TENM3: variants seen among roughly 807,000 people sequenced by gnomAD.
TENM3 encodes teneurin transmembrane protein 3, also known as teneurin-3.
A neutral mutation model predicts 255.1 loss-of-function variants in TENM3; 63 were observed. The observed-to-expected ratio is 0.25, with a 90% CI of 0.20 to 0.30. TENM3 has a LOEUF of 0.30. TENM3 is among the 10% of genes least tolerant of loss of function. The pLI is 1.00. For missense variants in TENM3, 2,929 were observed against 3,461.1 expected (o/e 0.85, Z 3.86); for synonymous variants, 1,306 against 1,322.3 (o/e 0.99, Z 0.27).
intron 3 of TENM3, among the ~76,000 whole-genome samples, chr4:182,468,584 C>G (rs561209425): frequency 4.6e-5 from 7 of 152,198 alleles, no homozygotes; most frequent in Non-Finnish European, 8.8e-5. Context: ...TAGTATTGAT[C>G]AGAATTGTAT....
At chr4:182,595,585 A>C (rs557365275) in intron 3 of TENM3, among the ~76,000 whole-genome samples, 23 of 152,294 alleles carry the variant, frequency 1.5e-4, no homozygotes, top group African/African-American at 5.5e-4. Context: ...AAAACATGCA[A>C]CTGTTAGGCT....
At position 182,344,995 on chromosome 4, in the gene TENM3, T is replaced by A. The variant is rs1453850397; in HGVS notation, c.233-1656T>A. Among the ~76,000 whole-genome samples, 4 of 152,196 alleles carry A rather than the reference T, an allele frequency of 2.6e-5. No homozygotes were observed. In the East Asian group the frequency reaches 7.7e-4, roughly 29 times the overall value. ...TTCTCACTGTTCAACGCACAGGCGC[T>A]TTTTCCTTTTTTTCTCTTCTTTTAC... is the stretch of plus-strand genomic sequence containing the variant. On this transcript the variant is annotated intron_variant, in intron 2 of 27. Transcript: ENST00000511685.
chr4:182,464,597 A>G (rs1732413045), intron 3 of TENM3, among the ~76,000 whole-genome samples: 1 of 152,222 alleles, frequency 6.6e-6, no homozygotes, highest in Non-Finnish European at 1.5e-5. Context: ...TAAAAATACT[A>G]GAGTATGAAC....
At chr4:181,888,648 A>G in the TENM3 span, among the ~76,000 whole-genome samples, 7 of 144,768 alleles carry the variant, frequency 4.8e-5, no homozygotes, top group East Asian at 2.0e-4. Context: ...ACTTACAGGA[A>G]TAGACTCATA....
At chr4:181,653,053 CATT>C in the TENM3 span, among the ~76,000 whole-genome samples, 1 of 152,296 alleles carries the variant, frequency 6.6e-6, no homozygotes, top group South Asian at 2.1e-4. Flanking sequence ...CGGCAGCTGA[CATT>C]ATAACACTTG....
At chr4:181,811,982 A>T in the TENM3 span, among the ~76,000 whole-genome samples, 2 of 152,176 alleles carry the variant, frequency 1.3e-5, no homozygotes, top group African/African-American at 4.8e-5. Flanking sequence ...TAGGGCAAAT[A>T]TTGCCTTTTG....
chr4:181,963,598 G>A, the TENM3 span, among the ~76,000 whole-genome samples: 1 of 152,168 alleles, frequency 6.6e-6, no homozygotes, highest in Admixed American at 6.5e-5. Flanking sequence ...TTGCGTGTAT[G>A]AGGAACATGT....
the TENM3 span, among the ~76,000 whole-genome samples, chr4:181,759,045 T>C: frequency 6.6e-6 from 1 of 152,176 alleles, no homozygotes; most frequent in Non-Finnish European, 1.5e-5. Flanking sequence ...CTCTTAACTA[T>C]TCATAATACA....
At chr4:182,157,502 T>C (rs1028693374) in intron 1 of TENM3, among the ~76,000 whole-genome samples, 6 of 152,188 alleles carry the variant, frequency 3.9e-5, no homozygotes, top group African/African-American at 1.4e-4. Flanking sequence ...GATGCAGGAA[T>C]GAAATCTTCC....
Position 182,533,528 on chromosome 4 carries a change from G to A in TENM3, c.512-67396G>A, listed in dbSNP as rs1316443473. Among the ~76,000 whole-genome samples the A allele has an allele frequency of 9.6e-5, 13 of 134,748 alleles. No homozygotes were observed. In the South Asian group the frequency reaches 2.1e-3, roughly 22 times the overall value. The allele number at this position is 134,748 out of a possible 152,430, so 88.4% of individuals were successfully genotyped here. A position where few individuals can be genotyped will look rare whatever the true frequency, so the allele number is the denominator to read the frequency against. ...CACTCCTGCCTGGGCAATAGAGGAA[G>A]ACCCTATCTCAAAAAAAAAAAAAAA... is the stretch of plus-strand genomic sequence containing the variant. On this transcript the variant is annotated intron_variant, in intron 3 of 27. Coordinates refer to ENST00000511685, the MANE Select transcript of TENM3 (RefSeq NM_001080477.4).
chr4:182,545,980 T>C (rs1226849228), intron 3 of TENM3, among the ~76,000 whole-genome samples: 1 of 152,194 alleles, frequency 6.6e-6, no homozygotes, highest in Non-Finnish European at 1.5e-5. Flanking sequence ...GATTAACACA[T>C]ATTTGGCATG....
the TENM3 span, among the ~76,000 whole-genome samples, chr4:181,811,734 C>T: frequency 1.3e-5 from 2 of 152,162 alleles, no homozygotes; most frequent in African/African-American, 2.4e-5. Flanking sequence ...CATTCACTAC[C>T]ACAAACAGAA....
the TENM3 span, among the ~76,000 whole-genome samples, chr4:181,525,100 G>T: frequency 6.6e-6 from 1 of 152,172 alleles, no homozygotes; most frequent in Non-Finnish European, 1.5e-5. Flanking sequence ...TGACAGGTCA[G>T]TGCTAATTAA....
At chr4:182,578,942 C>T (rs1291214270) in intron 3 of TENM3, among the ~76,000 whole-genome samples, 2 of 152,172 alleles carry the variant, frequency 1.3e-5, no homozygotes, top group Non-Finnish European at 2.9e-5. Context: ...CCTTCGAAAC[C>T]AACCCCGGCA....
At chr4:182,347,583 T>G (rs1205701284) in intron 3 of TENM3, among the ~76,000 whole-genome samples, 1 of 152,208 alleles carries the variant, frequency 6.6e-6, no homozygotes, top group African/African-American at 2.4e-5. Flanking sequence ...GATATCCAAA[T>G]AGCAGCTTTT....
chr4:181,779,070 T>A, the TENM3 span, among the ~76,000 whole-genome samples: 1 of 152,120 alleles, frequency 6.6e-6, no homozygotes, highest in East Asian at 1.9e-4. Context: ...AGGAGAGTAG[T>A]GAACAGGTCT....
the TENM3 span, among the ~76,000 whole-genome samples, chr4:182,124,626 A>C: frequency 8.5e-5 from 13 of 152,322 alleles, no homozygotes; most frequent in African/African-American, 2.6e-4. Context: ...TGGCCAGTAT[A>C]GTAGAACAAT....
At chr4:182,188,405 G>C (rs973239366) in intron 1 of TENM3, among the ~76,000 whole-genome samples, 5 of 152,130 alleles carry the variant, frequency 3.3e-5, no homozygotes, top group Non-Finnish European at 5.9e-5. Flanking sequence ...TAAACACCTA[G>C]ATTCGGCTCC....
chr4:181,981,447 A>G, the TENM3 span, among the ~76,000 whole-genome samples: 1 of 152,202 alleles, frequency 6.6e-6, no homozygotes, highest in Non-Finnish European at 1.5e-5. Flanking sequence ...TATATAAGAC[A>G]AATCACCATA....
Sources: gnomAD v4.1 joint callset for allele counts (sites outside exome capture counted in the v4.1 genomes callset) on GRCh38, gnomAD v4.1.1 for gene constraint, MANE v1.5 for transcripts, NCBI Gene and HGNC (gene_info 2026-07-23, HGNC 2026-07-21) for gene names.